MACROD2: variants seen among roughly 807,000 people sequenced by gnomAD.
MACROD2 encodes mono-ADP ribosylhydrolase 2, also known as ADP-ribose glycohydrolase MACROD2.
Under a neutral mutation model 70.4 loss-of-function variants are expected in MACROD2, and 36 were observed. That is an observed-to-expected ratio of 0.51 (90% CI 0.39 to 0.68). The LOEUF is 0.68. Among genes scored for constraint, MACROD2 ranks in the 30% least tolerant of loss-of-function variants. The probability of loss-of-function intolerance (pLI) is 0.00; values close to 1 mark genes in which losing one functional copy is unlikely to be tolerated. For synonymous variants in MACROD2, 172 were observed against 178.8 expected (o/e 0.96, Z 0.30); for missense variants, 496 against 538.4 (o/e 0.92, Z 0.78).
chr20:15,551,617 G>A (rs939708767), intron 8 of MACROD2, among the ~76,000 whole-genome samples: 6 of 151,954 alleles, frequency 3.9e-5, no homozygotes, highest in Admixed American at 2.0e-4. Context: ...GGTGGCTCAC[G>A]CCTGTAATCT....
At chr20:14,643,921 A>G (rs1985230863) in intron 4 of MACROD2, among the ~76,000 whole-genome samples, 1 of 152,178 alleles carries the variant, frequency 6.6e-6, no homozygotes, top group South Asian at 2.1e-4. Context: ...TTTTTAAAAA[A>G]CCCAAAACTT....
intron 6 of MACROD2, among the ~76,000 whole-genome samples, chr20:15,297,667 A>G (rs1272748751): frequency 6.6e-6 from 1 of 152,188 alleles, no homozygotes; most frequent in African/African-American, 2.4e-5. Context: ...TAGCTATGAA[A>G]TGAATTTTCC....
rs571965894 is a variant in MACROD2, at chr20:14,965,050, G to A, written c.419-264890G>A. Among the ~76,000 whole-genome samples, 136 of 152,228 alleles carry A rather than the reference G, an allele frequency of 8.9e-4. 4 individuals carry two copies. In the South Asian group the frequency reaches 0.023, roughly 26 times the overall value. On this transcript the variant is annotated intron_variant, in intron 5 of 17. Transcript: ENST00000684519. ...TTTTCTGAAGCACATGTTTAGTGTC[G>A]GCAAAGGTTAAGCTGTTTTTGATGA...
chr20:15,557,213 TA>T (rs10717426), intron 8 of MACROD2, among the ~76,000 whole-genome samples: 23,464 of 140,940 alleles, frequency 0.17, 2,425 homozygotes, highest in African/African-American at 0.31. Context: ...GGAGATTCCT[TA>T]AAAAAAAAAA....
In MACROD2 at chr20:14,313,985, G is replaced by A. The variant is rs766321855; in HGVS notation, c.272-179494G>A. ...AAAAGTGATTCTAATACCAAGAGTG[G>A]CTAATTCATCTGAAACACTGTTCCT... On this transcript the variant is annotated intron_variant, in intron 3 of 17. Coordinates refer to ENST00000684519, the MANE Select transcript of MACROD2 (RefSeq NM_001351661.2). 5.9e-5 allele frequency among the ~76,000 whole-genome samples: 9 copies of A among 152,066 alleles called. 1 individual carries two copies. Among genetic ancestry groups the A allele is most frequent in the Non-Finnish European group, 5.9e-5 (4 of 68,026 alleles).
At chr20:15,551,356 C>T (rs1016206454) in intron 8 of MACROD2, among the ~76,000 whole-genome samples, 1 of 150,412 alleles carries the variant, frequency 6.6e-6, no homozygotes, top group Admixed American at 6.6e-5. Flanking sequence ...AAAAAAACTA[C>T]ATCTCTTGTC....
intron 5 of MACROD2, among the ~76,000 whole-genome samples, chr20:14,985,979 A>G (rs2074845273): frequency 1.3e-5 from 2 of 152,082 alleles, no homozygotes; most frequent in African/African-American, 2.4e-5. Flanking sequence ...GTAGTGCAAC[A>G]TATTTGGGAG....
intron 11 of MACROD2, among the ~76,000 whole-genome samples, chr20:15,936,472 A>T (rs1308696027): frequency 6.7e-6 from 1 of 148,238 alleles, no homozygotes; most frequent in African/African-American, 2.4e-5. Flanking sequence ...TATAATTTAT[A>T]TATAGTATAT....
chr20:15,678,285 G>A (rs2050099847), intron 8 of MACROD2, among the ~76,000 whole-genome samples: 1 of 152,060 alleles, frequency 6.6e-6, no homozygotes, highest in Admixed American at 6.5e-5. Flanking sequence ...AGGATCCTTT[G>A]AGCCTAGGAG....
intron 2 of MACROD2, among the ~76,000 whole-genome samples, chr20:14,050,089 A>C (rs1297502328): frequency 6.9e-6 from 1 of 145,808 alleles, no homozygotes; most frequent in South Asian, 2.1e-4. Flanking sequence ...TCCCATCTCA[A>C]AAAAAAAAAA....
intron 15 of MACROD2, among the ~76,000 whole-genome samples, chr20:15,991,020 C>CT (rs2066550359): frequency 6.6e-6 from 1 of 150,852 alleles, no homozygotes; most frequent in Admixed American, 6.7e-5. Context: ...GTTATTGTAC[C>CT]CTATTGATAA....
intron 7 of MACROD2, among the ~76,000 whole-genome samples, chr20:15,461,006 A>ATATATATATT: frequency 9.0e-5 from 6 of 67,012 alleles, no homozygotes; most frequent in South Asian, 1.4e-3. Context: ...ATATATATAT[A>ATATATATATT]TTTTTTTTTA....
chr20:14,964,642 T>C (rs1047669726), intron 5 of MACROD2, among the ~76,000 whole-genome samples: 5 of 152,088 alleles, frequency 3.3e-5, no homozygotes, highest in Non-Finnish European at 7.4e-5. Flanking sequence ...GGATTCCAAA[T>C]ACCTATCTGC....
chr20:14,924,411 C>T (rs1345542343), intron 5 of MACROD2, among the ~76,000 whole-genome samples: 1 of 151,410 alleles, frequency 6.6e-6, no homozygotes, highest in Admixed American at 6.6e-5. Context: ...TGCACTCTAG[C>T]CTGGGTGACA....
intron 3 of MACROD2, among the ~76,000 whole-genome samples, chr20:14,157,318 C>A (rs886944737): frequency 2.0e-5 from 3 of 152,040 alleles, no homozygotes; most frequent in African/African-American, 7.2e-5. Context: ...AATTTCATTA[C>A]ATGCATGAAT....
intron 5 of MACROD2, among the ~76,000 whole-genome samples, chr20:15,193,082 T>C (rs2076582404): frequency 6.6e-6 from 1 of 152,192 alleles, no homozygotes; most frequent in Admixed American, 6.5e-5. Flanking sequence ...ATACGTCCAC[T>C]GGTCATCAGC....
chr20:15,543,789 A>C (rs1348855163), intron 8 of MACROD2, among the ~76,000 whole-genome samples: 1 of 152,226 alleles, frequency 6.6e-6, no homozygotes, highest in Admixed American at 6.5e-5. Flanking sequence ...TCATTGACTG[A>C]CTAAGGCTAG....
chr20:14,473,585 T>C (rs1014071161), intron 3 of MACROD2, among the ~76,000 whole-genome samples: 14 of 148,186 alleles, frequency 9.4e-5, no homozygotes, highest in South Asian at 6.3e-4. Flanking sequence ...TTCTTGGCTA[T>C]TGTGAATAAT....
At chr20:15,117,893 C>A (rs931001478) in intron 5 of MACROD2, among the ~76,000 whole-genome samples, 1 of 152,054 alleles carries the variant, frequency 6.6e-6, no homozygotes, top group Non-Finnish European at 1.5e-5. Context: ...TTATTTAGCC[C>A]CAGAACCAGA....
Sources: gnomAD v4.1 joint callset for allele counts (sites outside exome capture counted in the v4.1 genomes callset) on GRCh38, gnomAD v4.1.1 for gene constraint, MANE v1.5 for transcripts, NCBI Gene and HGNC (gene_info 2026-07-23, HGNC 2026-07-21) for gene names.